The following CLNS1A variants were observed in gnomAD, a reference collection of about 807,000 sequenced individuals.
CLNS1A encodes methylosome subunit pICln.
CLNS1A carries 16 observed loss-of-function variants against 29.4 expected under a neutral mutation model. The observed-to-expected ratio is 0.54, with a 90% CI of 0.37 to 0.83. The LOEUF is 0.83. CLNS1A is among the 40% of genes least tolerant of loss of function. The pLI, the probability that CLNS1A is intolerant of heterozygous loss-of-function variation, is 0.00. For synonymous variants in CLNS1A, 96 were observed against 104.8 expected (o/e 0.92, Z 0.51); for missense variants, 235 against 287.4 (o/e 0.82, Z 1.32).
chr11:77,622,597 G>A lies in CLNS1A; in HGVS notation c.549C>T (p.Ala183=). The change falls in exon 5 of 7, where the codon GCC becomes GCT. Residue 183 remains alanine, a synonymous_variant. Coordinates refer to ENST00000525428, the MANE Select transcript of CLNS1A (RefSeq NM_001293.3). Reference sequence around the variant, plus strand: ...GCATTCCTTCTAATCTCTCCAGTGTGGCTTGGCCTTCTGCTGTTAGATGGG... The same window carrying A: ...GCATTCCTTCTAATCTCTCCAGTGTAGCTTGGCCTTCTGCTGTTAGATGGG... The part of the protein sequence containing the change: ...GLSHLTAEGQ[A]TLERLEGMLS... 1 of 1,613,682 alleles carries A rather than the reference G, an allele frequency of 6.2e-7. No individual in the cohort carries two copies. Among genetic ancestry groups the A allele is most frequent in the Non-Finnish European group, 8.5e-7 (1 of 1,179,766 alleles).
chr11:77,628,923 T>G (rs913087429), intron 2 of CLNS1A, among the ~76,000 whole-genome samples: 2 of 152,128 alleles, frequency 1.3e-5, no homozygotes, highest in Admixed American at 6.5e-5. Flanking sequence ...AGCAGAATAT[T>G]TAGTATAATA....
At chr11:77,627,326 C>G (rs1959030573) in intron 2 of CLNS1A, among the ~76,000 whole-genome samples, 1 of 150,874 alleles carries the variant, frequency 6.6e-6, no homozygotes, top group South Asian at 2.1e-4. Flanking sequence ...GTAGTCCCAG[C>G]TACTCGGGAG....
chr11:77,629,693 C>T (rs1277609293), intron 2 of CLNS1A, 70 bp downstream of exon 2: 2 of 1,524,708 alleles, frequency 1.3e-6, no homozygotes, highest in Non-Finnish European at 1.8e-6. Context: ...CGTGCCCGGC[C>T]TCAAAGACTC....
Position 77,629,803 on chromosome 11 carries a change from T to C in CLNS1A, c.222A>G (p.Leu74=), listed in dbSNP as rs1422971771. 2 of 1,613,560 alleles carry C rather than the reference T, an allele frequency of 1.2e-6. No homozygotes were observed. Among genetic ancestry groups the C allele is most frequent in the African/African-American group, 1.3e-5 (1 of 75,038 alleles). ...HALSRDRSDC[L]GEHLYVMVNA... is the part of the protein sequence containing the mutation. ...TCACCATAACATACAAATGCTCTCC[T>C]AGACAGTCACTTCGGTCCCTGGATA... Residue 74 remains leucine (L), a synonymous_variant, in exon 2 of 7, where the codon CTA becomes CTG. Transcript: ENST00000525428.
intron 6 of CLNS1A, among the ~76,000 whole-genome samples, chr11:77,617,791 G>A (rs543573445): frequency 9.9e-5 from 15 of 151,644 alleles, no homozygotes; most frequent in African/African-American, 2.2e-4. Flanking sequence ...GGTGGCGCGC[G>A]TCTGTAGTTC....
chr11:77,617,949 A>C (rs12792792), intron 6 of CLNS1A, among the ~76,000 whole-genome samples: 2 of 151,902 alleles, frequency 1.3e-5, no homozygotes, highest in African/African-American at 2.4e-5. Context: ...AAGAAAAAAA[A>C]CCGTTATGAA....
intron 4 of CLNS1A, among the ~76,000 whole-genome samples, chr11:77,624,652 T>G (rs1349176276): frequency 6.6e-6 from 1 of 151,930 alleles, no homozygotes; most frequent in Middle Eastern, 3.2e-3. Flanking sequence ...AAACCCCATC[T>G]CTACTAAAAA....
intron 6 of CLNS1A, among the ~76,000 whole-genome samples, chr11:77,617,789 G>A (rs898901839): frequency 9.2e-5 from 14 of 151,696 alleles, no homozygotes; most frequent in Admixed American, 2.0e-4. Flanking sequence ...GTGGTGGCGC[G>A]CGTCTGTAGT....
intron 6 of CLNS1A, among the ~76,000 whole-genome samples, chr11:77,617,367 CAAAAAAAAA>C (rs71043593): frequency 6.1e-5 from 4 of 65,864 alleles, no homozygotes; most frequent in Admixed American, 1.6e-4. Flanking sequence ...AACTCCATCT[CAAAAAAAAA>C]AAAAAAAAAA....
In CLNS1A at chr11:77,627,512, G is replaced by C. The variant is rs1303392655; in HGVS notation, c.263-1694C>G. Among the ~76,000 whole-genome samples the C allele has an allele frequency of 2.0e-5, 3 of 151,110 alleles. No individual in the cohort carries two copies. The East Asian group carries it at 5.8e-4, about 29-fold the overall frequency. The stretch of plus-strand genomic sequence containing the variant: ...TGACCCAGAAAGATACTAATTTCTA[G>C]TAAGATAGGAAATCCTGCATATCTT... On this transcript the variant is annotated intron_variant, in intron 2 of 6. Transcript: ENST00000525428.
intron 1 of CLNS1A, among the ~76,000 whole-genome samples, chr11:77,632,019 G>C (rs915342730): frequency 4.1e-4 from 63 of 152,220 alleles, no homozygotes; most frequent in African/African-American, 1.5e-3. Flanking sequence ...TTACAGGCGT[G>C]AGCCACTGCG....
At chr11:77,624,929 AC>A in intron 4 of CLNS1A, 33 bp downstream of exon 4, 1 of 1,423,326 alleles carries the variant, frequency 7.0e-7, no homozygotes, top group South Asian at 1.2e-5. Flanking sequence ...CACTAAACAA[AC>A]AAAAAACCCA....
At chr11:77,626,773 G>A (rs1243459476) in intron 2 of CLNS1A, among the ~76,000 whole-genome samples, 81 of 148,482 alleles carry the variant, frequency 5.5e-4, no homozygotes, top group African/African-American at 1.9e-3. Context: ...CTCACTGCAA[G>A]CTCTGCCTCT....
In CLNS1A at chr11:77,622,623, A is replaced by C; in HGVS notation, c.523T>G (p.Ser175Ala). The C allele has an allele frequency of 6.2e-7, 1 of 1,613,144 alleles. No individual in the cohort carries two copies. The highest frequency in any genetic ancestry group is 8.5e-7 in the Non-Finnish European group (1 of 1,179,650). The change falls in exon 5 of 7, where the codon TCC becomes GCC. Residue 175 changes from serine to alanine, a missense_variant. Transcript: ENST00000525428. ...GCTTGGCCTTCTGCTGTTAGATGGG[A>C]TAATCCTTCTTCATAGGTGTAAAAT... ...PTFYTYEEGL[S>A]HLTAEGQATL...
At chr11:77,631,606 C>T (rs1959075629) in intron 1 of CLNS1A, among the ~76,000 whole-genome samples, 1 of 151,706 alleles carries the variant, frequency 6.6e-6, no homozygotes, top group African/African-American at 2.4e-5. Flanking sequence ...CATGAGCCAC[C>T]ACACCCTGCC....
chr11:77,637,266 AAAAG>A (rs1197980560), intron 1 of CLNS1A, among the ~76,000 whole-genome samples: 3 of 145,974 alleles, frequency 2.1e-5, no homozygotes, highest in Non-Finnish European at 3.0e-5. Context: ...AAAAGAAAAT[AAAAG>A]AAAGAAAGAA....
chr11:77,629,465 C>G (rs1401602079), intron 2 of CLNS1A, among the ~76,000 whole-genome samples: 4 of 151,356 alleles, frequency 2.6e-5, no homozygotes, highest in Admixed American at 2.6e-4. Flanking sequence ...ATGATCTCGG[C>G]TCACTACAAG....
rs191142327 is a variant in CLNS1A, at chr11:77,631,233, C to T, written c.126-1334G>A. ...GTCTAACCACATGACCCTCAGTTAC[C>T]GAAAGCATTACCAAAAACAAAGGCA... On this transcript the variant is annotated intron_variant, in intron 1 of 6. Coordinates refer to ENST00000525428, the MANE Select transcript of CLNS1A (RefSeq NM_001293.3). Among the ~76,000 whole-genome samples, 340 of 152,142 alleles carry T rather than the reference C, an allele frequency of 2.2e-3. 2 individuals carry two copies. Among genetic ancestry groups the T allele is most frequent in the Admixed American group, 9.0e-3 (137 of 15,284 alleles).
intron 6 of CLNS1A, chr11:77,618,567 G>C (rs535697955): frequency 6.6e-6 from 1 of 152,314 alleles, no homozygotes; most frequent in East Asian, 1.9e-4. Context: ...TCCACTGGCA[G>C]GATGTGAGAA....
Sources: allele counts gnomAD v4.1 joint callset (sites outside exome capture counted in the v4.1 genomes callset), GRCh38; gene constraint gnomAD v4.1.1; transcripts MANE v1.5; gene names NCBI Gene and HGNC (gene_info 2026-07-23, HGNC 2026-07-21).